The following KIRREL3 variants were observed in gnomAD, a reference collection of about 807,000 sequenced individuals.
The protein encoded by KIRREL3 is kirre like nephrin family adhesion molecule 3.
In KIRREL3, 36 loss-of-function variants were observed where a neutral mutation model predicts 89.7. That is an observed-to-expected ratio of 0.40 (90% CI 0.31 to 0.53). The LOEUF (loss-of-function observed/expected upper bound fraction) is 0.53, where lower values mean the gene tolerates loss of function less well. Ranked by LOEUF, KIRREL3 falls within the 20% of genes least tolerant of loss-of-function variation. The pLI is 0.49. For missense variants in KIRREL3, 864 were observed against 1,056.6 expected (o/e 0.82, Z 2.53); for synonymous variants, 445 against 441.4 (o/e 1.01, Z -0.10).
In KIRREL3 at chr11:126,451,047, A is replaced by G. The variant is rs571415544; in HGVS notation, c.849-1890T>C. 9.9e-4 allele frequency among the ~76,000 whole-genome samples: 132 copies of G among 132,972 alleles called. 1 individual carries two copies. Among genetic ancestry groups the G allele is most frequent in the Middle Eastern group, 6.1e-3 (1 of 164 alleles). The allele number at this position is 132,972 out of a possible 152,430, so 87.2% of individuals were successfully genotyped here. ...CATGTGCATGTGTACATGTGTGAGC[A>G]TGTGCATGTGTGCATGCATGTGCAT... On this transcript the variant is annotated intron_variant, in intron 7 of 16. Coordinates refer to ENST00000525144, the MANE Select transcript of KIRREL3 (RefSeq NM_032531.4).
chr11:126,696,711 C>G lies in KIRREL3; in HGVS notation c.56-133799G>C, dbSNP rs1947113125. 6.6e-6 allele frequency among the ~76,000 whole-genome samples: 1 copy of G among 152,184 alleles called. No individual in the cohort carries two copies. Among genetic ancestry groups the G allele is most frequent in the African/African-American group, 2.4e-5 (1 of 41,452 alleles). On this transcript the variant is annotated intron_variant, in intron 1 of 16. Transcript: ENST00000525144. The surrounding 1 kb of genome is among the most constrained non-coding windows in gnomAD (Gnocchi z 4.4). ...TTGGCGAGTTGACATCAGGCTCCCT[C>G]TCTCCCAAAGCCACACCGTCTTCCT...
chr11:126,796,727 G>T lies in KIRREL3; in HGVS notation c.55+203728C>A, dbSNP rs575984954. Among the ~76,000 whole-genome samples the T allele has an allele frequency of 2.0e-5, 3 of 152,044 alleles. No homozygotes were observed. Among genetic ancestry groups the T allele is most frequent in the African/African-American group, 7.2e-5 (3 of 41,460 alleles). ...GTCTTGCTCTGTTGCCCAGGCTGGA[G>T]TGCAGTGGCATGATCTTGGCTCACT... On this transcript the variant is annotated intron_variant, in intron 1 of 16. Transcript: ENST00000525144. The surrounding 1 kb of genome is among the most constrained non-coding windows in gnomAD (Gnocchi z 5.1).
intron 1 of KIRREL3, among the ~76,000 whole-genome samples, chr11:126,626,968 C>T (rs765383196): frequency 2.0e-5 from 3 of 151,650 alleles, no homozygotes; most frequent in Non-Finnish European, 4.4e-5. Flanking sequence ...CCATTGCACT[C>T]CAGCCTGGGC....
At position 126,435,323 on chromosome 11, in the gene KIRREL3, G is replaced by A. The variant is rs1026892579; in HGVS notation, c.1553-20C>T. On this transcript the variant is annotated intron_variant, in intron 12 of 16. Coordinates refer to ENST00000525144, the MANE Select transcript of KIRREL3 (RefSeq NM_032531.4). The stretch of plus-strand genomic sequence containing the variant: ...CCGAACCTGTTTGGAAATAAAGCAA[G>A]CGTCTACAGCCAGGGCCTGGCTGGC... 1.2e-6 allele frequency: 2 copies of A among 1,613,722 alleles called. No homozygotes were observed. The highest frequency in any genetic ancestry group is 2.2e-5 in the East Asian group (1 of 44,862).
intron 1 of KIRREL3, among the ~76,000 whole-genome samples, chr11:126,746,339 G>T (rs1407841056): frequency 6.6e-6 from 1 of 152,152 alleles, no homozygotes; most frequent in Non-Finnish European, 1.5e-5. Flanking sequence ...ATTGTGCAAG[G>T]TGTCATGGAA....
intron 1 of KIRREL3, among the ~76,000 whole-genome samples, chr11:126,859,910 C>A (rs1303993825): frequency 6.6e-6 from 1 of 152,188 alleles, no homozygotes; most frequent in Non-Finnish European, 1.5e-5. Context: ...CCTCACCCTC[C>A]TTTCTATCTC....
In KIRREL3 at chr11:126,606,307, A is replaced by G. The variant is rs1417381271; in HGVS notation, c.56-43395T>C. Among the ~76,000 whole-genome samples, 1 of 152,200 alleles carries G rather than the reference A, an allele frequency of 6.6e-6. No individual in the cohort carries two copies. Among genetic ancestry groups the G allele is most frequent in the African/African-American group, 2.4e-5 (1 of 41,446 alleles). ...TGTGGGTTTGGATTTCGGGTGTATCACTTACTAGCTGTGTCACTCTGGAGA... is the reference window on the plus strand; with the variant it reads ...TGTGGGTTTGGATTTCGGGTGTATCGCTTACTAGCTGTGTCACTCTGGAGA... On this transcript the variant is annotated intron_variant, in intron 1 of 16. Coordinates refer to ENST00000525144, the MANE Select transcript of KIRREL3 (RefSeq NM_032531.4). This position sits in a 1 kb window ranked among gnomAD's most constrained non-coding sequence, Gnocchi z 4.6.
rs1014552535 is a variant in KIRREL3, at chr11:126,544,195, G to C, written c.134-17508C>G. ...AACGCAACGATATTTGGTAACATGCGGCATCTTGGGGAGAGCATTCATGTC... is the reference window on the plus strand; with the variant it reads ...AACGCAACGATATTTGGTAACATGCCGCATCTTGGGGAGAGCATTCATGTC... On this transcript the variant is annotated intron_variant, in intron 2 of 16. Transcript: ENST00000525144. This position sits in a 1 kb window ranked among gnomAD's most constrained non-coding sequence, Gnocchi z 5.6. 6.6e-6 allele frequency: 1 copy of C among 152,210 alleles called. No individual in the cohort carries two copies. 9.4% of individuals were successfully genotyped at this position (152,210 alleles called of 1,614,324 possible).
At position 126,501,071 on chromosome 11, in the gene KIRREL3, C is replaced by T. The variant is rs897938201; in HGVS notation, c.433+20244G>A. ...GCTTTCCTGGCTCTGCCTCTCCCAGCCTCCTCCTCTGGGTTTCATTTCCTT... is the reference window on the plus strand; with the variant it reads ...GCTTTCCTGGCTCTGCCTCTCCCAGTCTCCTCCTCTGGGTTTCATTTCCTT... On this transcript the variant is annotated intron_variant, in intron 4 of 16. Transcript: ENST00000525144. The surrounding 1 kb of genome is among the most constrained non-coding windows in gnomAD (Gnocchi z 5.8). Among the ~76,000 whole-genome samples, 10 of 152,356 alleles carry T rather than the reference C, an allele frequency of 6.6e-5. No homozygotes were observed. Among genetic ancestry groups the T allele is most frequent in the African/African-American group, 2.4e-4 (10 of 41,590 alleles).
At chr11:126,470,842 C>T (rs1956865711) in intron 5 of KIRREL3, among the ~76,000 whole-genome samples, 1 of 152,158 alleles carries the variant, frequency 6.6e-6, no homozygotes, top group Non-Finnish European at 1.5e-5. Context: ...GTCACTTCCC[C>T]ACCAGGCCTC....
intron 4 of KIRREL3, among the ~76,000 whole-genome samples, chr11:126,510,010 A>G (rs866703226): frequency 1.3e-5 from 2 of 149,772 alleles, no homozygotes; most frequent in South Asian, 2.1e-4. Flanking sequence ...AAAAAAAAAA[A>G]AAAAAAAAGA....
chr11:126,842,100 C>T (rs1030709719), intron 1 of KIRREL3, among the ~76,000 whole-genome samples: 14 of 152,016 alleles, frequency 9.2e-5, no homozygotes, highest in African/African-American at 3.4e-4. Context: ...GAAGAGAGCG[C>T]TTTCAGAGGA....
intron 1 of KIRREL3, among the ~76,000 whole-genome samples, chr11:126,957,177 C>G (rs1172331088): frequency 1.3e-5 from 2 of 152,140 alleles, no homozygotes; most frequent in African/African-American, 4.8e-5. Context: ...AACTTCCAGC[C>G]TCTTCTACAC....
Position 126,570,194 on chromosome 11 carries a change from G to C in KIRREL3, c.56-7282C>G, listed in dbSNP as rs1176243963. Reference sequence around the variant, plus strand: ...GGATCTCATTGCTTGCTAATTCTAAGTTTACTAAATAACTATAAACTTTAC... The same window carrying C: ...GGATCTCATTGCTTGCTAATTCTAACTTTACTAAATAACTATAAACTTTAC... On this transcript the variant is annotated intron_variant, in intron 1 of 16. Coordinates refer to ENST00000525144, the MANE Select transcript of KIRREL3 (RefSeq NM_032531.4). This position sits in a 1 kb window ranked among gnomAD's most constrained non-coding sequence, Gnocchi z 6.1. 6.6e-6 allele frequency among the ~76,000 whole-genome samples: 1 copy of C among 152,054 alleles called. No individual in the cohort carries two copies. The highest frequency in any genetic ancestry group is 1.5e-5 in the Non-Finnish European group (1 of 68,014).
chr11:126,925,438 G>A (rs1947672123), intron 1 of KIRREL3, among the ~76,000 whole-genome samples: 1 of 152,228 alleles, frequency 6.6e-6, no homozygotes, highest in Non-Finnish European at 1.5e-5. Flanking sequence ...TAGGCCTGGA[G>A]ACACAGAGGC....
chr11:126,708,474 T>C lies in KIRREL3; in HGVS notation c.56-145562A>G, dbSNP rs563071974. Among the ~76,000 whole-genome samples, 159 of 152,290 alleles carry C rather than the reference T, an allele frequency of 1.0e-3. 2 individuals carry two copies. The South Asian group carries it at 0.024, about 23-fold the overall frequency. On this transcript the variant is annotated intron_variant, in intron 1 of 16. Coordinates refer to ENST00000525144, the MANE Select transcript of KIRREL3 (RefSeq NM_032531.4). This position sits in a 1 kb window ranked among gnomAD's most constrained non-coding sequence, Gnocchi z 5.7. ...GGAAGACTGGAAATAGAGTCCTTTA[T>C]CTCAGATATCAAACCCTGGCCCAGG...
Position 126,719,528 on chromosome 11 carries a change from C to G in KIRREL3, c.56-156616G>C, listed in dbSNP as rs904371988. Among the ~76,000 whole-genome samples the G allele has an allele frequency of 6.6e-6, 1 of 152,164 alleles. No individual in the cohort carries two copies. The highest frequency in any genetic ancestry group is 6.5e-5 in the Admixed American group (1 of 15,272). ...CCGCATGCTGAAGTCTACTTCCTTG[C>G]TGGGCATTTCCATTTGAACATCTCT... On this transcript the variant is annotated intron_variant, in intron 1 of 16. Transcript: ENST00000525144. This position sits in a 1 kb window ranked among gnomAD's most constrained non-coding sequence, Gnocchi z 4.7.
At chr11:126,632,396 C>A (rs1341497282) in intron 1 of KIRREL3, among the ~76,000 whole-genome samples, 2 of 152,136 alleles carry the variant, frequency 1.3e-5, no homozygotes, top group African/African-American at 4.8e-5. Context: ...TTGGTTTATA[C>A]ACACACACGA....
chr11:126,640,774 G>A lies in KIRREL3; in HGVS notation c.56-77862C>T, dbSNP rs1944437724. On this transcript the variant is annotated intron_variant, in intron 1 of 16. Transcript: ENST00000525144. This position sits in a 1 kb window ranked among gnomAD's most constrained non-coding sequence, Gnocchi z 4.9. ...GCTCAGAATGGAGGCATGCATGAAA[G>A]AATATTCCTGGGTTCTCCATTCTAG... 6.6e-6 allele frequency among the ~76,000 whole-genome samples: 1 copy of A among 152,088 alleles called. No individual in the cohort carries two copies. Among genetic ancestry groups the A allele is most frequent in the Non-Finnish European group, 1.5e-5 (1 of 68,028 alleles).
Sources: gnomAD v4.1 joint callset for allele counts (sites outside exome capture counted in the v4.1 genomes callset) on GRCh38, gnomAD v4.1.1 for gene constraint, Gnocchi (gnomAD v3.1) non-coding constraint, MANE v1.5 for transcripts, NCBI Gene and HGNC (gene_info 2026-07-23, HGNC 2026-07-21) for gene names.